The following MNAT1 variants were observed in gnomAD, a reference collection of about 807,000 sequenced individuals.
The protein encoded by MNAT1 is CDK-activating kinase assembly factor MAT1.
MNAT1 carries 43 observed loss-of-function variants against 42.0 expected under a neutral mutation model. That is an observed-to-expected ratio of 1.02 (90% CI 0.80 to 1.32). The LOEUF is 1.32. MNAT1 is among the 40% of genes most tolerant of loss of function. The pLI is 0.00. For missense variants in MNAT1, 306 were observed against 350.4 expected (o/e 0.87, Z 1.01); for synonymous variants, 118 against 120.0 (o/e 0.98, Z 0.11).
intron 7 of MNAT1, among the ~76,000 whole-genome samples, chr14:60,886,596 A>G (rs2034677298): frequency 6.6e-6 from 1 of 152,038 alleles, no homozygotes; most frequent in Admixed American, 6.6e-5. Context: ...TATTAGTATA[A>G]AGAAATATAG....
At chr14:60,769,759 A>C (rs1200087368) in intron 1 of MNAT1, among the ~76,000 whole-genome samples, 1 of 152,130 alleles carries the variant, frequency 6.6e-6, no homozygotes, top group African/African-American at 2.4e-5. Flanking sequence ...GGGTCAAATG[A>C]TCCTCCCGTC....
intron 7 of MNAT1, among the ~76,000 whole-genome samples, chr14:60,909,888 G>A (rs1320386356): frequency 6.6e-6 from 1 of 151,872 alleles, no homozygotes; most frequent in Non-Finnish European, 1.5e-5. Flanking sequence ...GATGGGGATG[G>A]CATTGAATCT....
chr14:60,849,971 G>A (rs1408475346), intron 6 of MNAT1, among the ~76,000 whole-genome samples: 1 of 151,950 alleles, frequency 6.6e-6, no homozygotes, highest in Non-Finnish European at 1.5e-5. Context: ...TGAGTGGCTG[G>A]GATTACAGGT....
At chr14:60,752,323 A>G (rs1000699422) in intron 1 of MNAT1, among the ~76,000 whole-genome samples, 7 of 152,266 alleles carry the variant, frequency 4.6e-5, no homozygotes, top group Admixed American at 1.3e-4. Context: ...ATCTATTTCT[A>G]TATTCTTTGG....
chr14:60,932,414 ATTTTTT>A (rs1381590773), intron 7 of MNAT1, among the ~76,000 whole-genome samples: 1 of 151,692 alleles, frequency 6.6e-6, no homozygotes, highest in African/African-American at 2.4e-5. Flanking sequence ...ATTTCATTTC[ATTTTTT>A]TAAAAGAGGT....
rs141825290 is a variant in MNAT1 at position 60,953,552 on chromosome 14, T to C, written c.810-14677T>C. 1.3e-3 allele frequency among the ~76,000 whole-genome samples: 196 copies of C among 152,294 alleles called. 1 individual carries two copies. Among genetic ancestry groups the C allele is most frequent in the Admixed American group, 3.6e-3 (55 of 15,300 alleles). ...TGTGAAAGCATGCTTTGTATTGAAA[T>C]TATCAAATAGAAGATAGAGGGTGGA... On this transcript the variant is annotated intron_variant, in intron 7 of 7. Transcript: ENST00000261245.
rs190852523 is a variant in MNAT1, at chr14:60,894,390, A to G, written c.809+14555A>G. 1.6e-3 allele frequency among the ~76,000 whole-genome samples: 249 copies of G among 151,236 alleles called. 1 individual carries two copies. The South Asian group carries it at 0.021, about 13-fold the overall frequency. On this transcript the variant is annotated intron_variant, in intron 7 of 7. Transcript: ENST00000261245. Reference sequence around the variant, plus strand: ...CCTCATCTTTCTTTTTTAGTCTTCTATGGTGGTGGTACTTCTTAGAACATG... The same window carrying G: ...CCTCATCTTTCTTTTTTAGTCTTCTGTGGTGGTGGTACTTCTTAGAACATG...
intron 1 of MNAT1, among the ~76,000 whole-genome samples, chr14:60,792,552 C>T (rs527489561): frequency 1.4e-4 from 22 of 152,110 alleles, no homozygotes; most frequent in Admixed American, 1.0e-3. Flanking sequence ...AAGGAGCTAA[C>T]GAAGAATGGA....
chr14:60,949,235 G>A (rs1952404), intron 7 of MNAT1, among the ~76,000 whole-genome samples: 1,532 of 152,112 alleles, frequency 0.01, 29 homozygotes, highest in South Asian at 0.06. Flanking sequence ...ACTTCCTGTT[G>A]ACTAATTGTA....
At chr14:60,769,812 AGTTTTTAAAATGT>A (rs796599883) in intron 1 of MNAT1, among the ~76,000 whole-genome samples, 65 of 152,216 alleles carry the variant, frequency 4.3e-4, no homozygotes, top group African/African-American at 1.5e-3. Context: ...ATACATGGCT[AGTTTTTAAAATGT>A]GTTTTTAAAA....
At position 60,911,061 on chromosome 14, in the gene MNAT1, G is replaced by A. The variant is rs954452166; in HGVS notation, c.809+31226G>A. On this transcript the variant is annotated intron_variant, in intron 7 of 7. Coordinates refer to ENST00000261245, the MANE Select transcript of MNAT1 (RefSeq NM_002431.4). ...TCCTGGTTTAGTCTTGGGAGGGTGT[G>A]TGTGTCGAGGAATTTATCCATTTCT... Among the ~76,000 whole-genome samples the A allele has an allele frequency of 4.6e-5, 7 of 152,180 alleles. No homozygotes were observed. In the East Asian group the frequency reaches 1.4e-3, roughly 29 times the overall value.
intron 7 of MNAT1, among the ~76,000 whole-genome samples, chr14:60,922,098 C>T (rs866451105): frequency 2.0e-5 from 3 of 152,072 alleles, no homozygotes; most frequent in Non-Finnish European, 4.4e-5. Context: ...TTTTTGCTGC[C>T]ACTGCAAAAT....
chr14:60,912,356 C>T (rs918741749), intron 7 of MNAT1, among the ~76,000 whole-genome samples: 4 of 152,010 alleles, frequency 2.6e-5, no homozygotes, highest in Non-Finnish European at 4.4e-5. Context: ...GAATTTGATC[C>T]TGTCATTATG....
chr14:60,863,337 A>G (rs922664857), intron 6 of MNAT1, among the ~76,000 whole-genome samples: 2 of 152,026 alleles, frequency 1.3e-5, no homozygotes, highest in Non-Finnish European at 2.9e-5. Flanking sequence ...CTTTTTGGTG[A>G]CTATTTTTTA....
intron 7 of MNAT1, among the ~76,000 whole-genome samples, chr14:60,933,623 T>G (rs1336123383): frequency 6.6e-6 from 1 of 152,226 alleles, no homozygotes; most frequent in Non-Finnish European, 1.5e-5. Flanking sequence ...TGAGATGTCC[T>G]TCCTTTGTTA....
rs1043294565 is a variant in MNAT1 at position 60,789,353 on chromosome 14, T to C, written c.90-6864T>C. ...TGATCACATAACACCATGTCAGATATAACGATAATGAAAATGTTTGAAATA... is the reference window on the plus strand; with the variant it reads ...TGATCACATAACACCATGTCAGATACAACGATAATGAAAATGTTTGAAATA... On this transcript the variant is annotated intron_variant, in intron 1 of 7. Coordinates refer to ENST00000261245, the MANE Select transcript of MNAT1 (RefSeq NM_002431.4). Among the ~76,000 whole-genome samples, 3 of 152,108 alleles carry C rather than the reference T, an allele frequency of 2.0e-5. No individual in the cohort carries two copies. The East Asian group carries it at 5.8e-4, about 29-fold the overall frequency.
In MNAT1 at chr14:60,918,198, C is replaced by CTTTT. The variant is rs386381525; in HGVS notation, c.809+38388_809+38391dup. Among the ~76,000 whole-genome samples, 68 of 48,620 alleles carry CTTTT rather than the reference C, an allele frequency of 1.4e-3. 21 individuals carry two copies. Among genetic ancestry groups the CTTTT allele is most frequent in the Admixed American group, 2.9e-3 (7 of 2,450 alleles). 31.9% of individuals were successfully genotyped at this position (48,620 alleles called of 152,430 possible). ...AGAAGGATCAATCCAATTAATTGTT[C>CTTTT]TTTTTTTTTTTTTTTTTTTTTTTTT... is the stretch of plus-strand genomic sequence containing the variant. On this transcript the variant is annotated intron_variant, in intron 7 of 7. Coordinates refer to ENST00000261245, the MANE Select transcript of MNAT1 (RefSeq NM_002431.4).
At chr14:60,735,031 C>T in intron 1 of MNAT1, 80 bp downstream of exon 1, 1 of 1,361,252 alleles carries the variant, frequency 7.3e-7, no homozygotes, top group Non-Finnish European at 1.0e-6. Flanking sequence ...TAGGCCTCGT[C>T]TTGGGAGCAA....
chr14:60,954,717 T>G (rs1342130210), intron 7 of MNAT1, among the ~76,000 whole-genome samples: 4 of 152,164 alleles, frequency 2.6e-5, no homozygotes, highest in African/African-American at 9.7e-5. Flanking sequence ...ATTTCTTCTT[T>G]TGCCTAATTG....
Sources: allele counts gnomAD v4.1 joint callset (sites outside exome capture counted in the v4.1 genomes callset), GRCh38; gene constraint gnomAD v4.1.1; transcripts MANE v1.5; gene names NCBI Gene and HGNC (gene_info 2026-07-23, HGNC 2026-07-21).